Variants in RAPGEF4 observed in about 807,000 individuals in gnomAD.
RAPGEF4 encodes the protein Rap guanine nucleotide exchange factor 4, also known as RAP guanine-nucleotide-exchange factor (GEF) 4.
In RAPGEF4, 66 loss-of-function variants were observed where a neutral mutation model predicts 147.9. That is an observed-to-expected ratio of 0.45 (90% confidence interval 0.37 to 0.55). The LOEUF is 0.55. RAPGEF4 is among the 20% of genes least tolerant of loss of function. RAPGEF4 has a pLI of 0.00. For synonymous variants in RAPGEF4, 419 were observed against 442.7 expected, an observed-to-expected ratio of 0.95 and a Z score of 0.67; for missense variants, 1,071 against 1,257.3, an observed-to-expected ratio of 0.85 and a Z score of 2.24.
At position 172,735,995 on chromosome 2, in the gene RAPGEF4, G is replaced by T; in HGVS notation, c.12G>T (p.Ala4=). ...CGCCGCCGCTCAACATGGTCGCTGCGCACGCTGCCCATTCTTCCTCCTCTG... is the reference window on the plus strand; with the variant it reads ...CGCCGCCGCTCAACATGGTCGCTGCTCACGCTGCCCATTCTTCCTCCTCTG... MVA[A]HAAHSSSSAE... The change falls in exon 1 of 31, where the codon GCG becomes GCT. Residue 4 remains alanine (A), a synonymous_variant. Coordinates refer to ENST00000397081, the MANE Select transcript of RAPGEF4 (RefSeq NM_007023.4). 3 of 1,476,900 alleles carry T rather than the reference G, an allele frequency of 2.0e-6. No individual in the cohort carries two copies. Among genetic ancestry groups the T allele is most frequent in the Non-Finnish European group, 2.7e-6 (3 of 1,112,454 alleles). 91.5% of individuals were successfully genotyped at this position (1,476,900 alleles called of 1,614,324 possible). A position where few individuals can be genotyped will look rare whatever the true frequency, so the allele number is the denominator to read the frequency against.
intron 4 of RAPGEF4, among the ~76,000 whole-genome samples, chr2:172,913,861 C>G (rs1683734847): frequency 6.6e-6 from 1 of 152,138 alleles, no homozygotes; most frequent in Non-Finnish European, 1.5e-5. Flanking sequence ...CTAAGTCTCT[C>G]TCCTGCTTGA....
At chr2:172,814,610 T>C in intron 4 of RAPGEF4, 185 bp downstream of exon 4, 1 of 660,326 alleles carries the variant, frequency 1.5e-6, no homozygotes. Flanking sequence ...AAGACATCCT[T>C]TTTTTTGTTT....
chr2:173,025,568 G>A (rs1006568102), intron 23 of RAPGEF4, among the ~76,000 whole-genome samples: 6 of 152,070 alleles, frequency 3.9e-5, no homozygotes, highest in Admixed American at 2.0e-4. Context: ...TCAGCCTCCC[G>A]AGTAGCTGGC....
At chr2:172,890,253 C>T (rs1462800752) in intron 4 of RAPGEF4, among the ~76,000 whole-genome samples, 4 of 152,184 alleles carry the variant, frequency 2.6e-5, no homozygotes, top group South Asian at 2.1e-4. Flanking sequence ...TGATAAGAGC[C>T]GGGGCTTAGA....
At chr2:172,773,470 C>T (rs1180058982) in intron 1 of RAPGEF4, among the ~76,000 whole-genome samples, 1 of 152,138 alleles carries the variant, frequency 6.6e-6, no homozygotes, top group African/African-American at 2.4e-5. Flanking sequence ...CTTTCATCAT[C>T]ATCTTCACAC....
At chr2:172,839,128 T>C (rs1351340841) in intron 4 of RAPGEF4, among the ~76,000 whole-genome samples, 2 of 151,926 alleles carry the variant, frequency 1.3e-5, no homozygotes, top group Non-Finnish European at 2.9e-5. Context: ...TTAATTATGG[T>C]GAGTTAGAAG....
chr2:173,036,753 C>A, intron 29 of RAPGEF4, 61 bp downstream of exon 29: 3 of 1,229,798 alleles, frequency 2.4e-6, no homozygotes, highest in Admixed American at 2.1e-5. Flanking sequence ...TGCATTTTTT[C>A]TAATAAAGGA....
intron 17 of RAPGEF4, among the ~76,000 whole-genome samples, chr2:173,008,760 A>G (rs1405322018): frequency 6.6e-6 from 1 of 152,312 alleles, no homozygotes; most frequent in East Asian, 1.9e-4. Context: ...TTATTAGCTG[A>G]ATTAAGAATA....
intron 4 of RAPGEF4, among the ~76,000 whole-genome samples, chr2:172,856,128 C>A (rs1693389802): frequency 6.6e-6 from 1 of 152,150 alleles, no homozygotes; most frequent in South Asian, 2.1e-4. Context: ...CCATTGATCC[C>A]TAAGGCCTTC....
At chr2:172,911,758 C>CTTT (rs34659758) in intron 4 of RAPGEF4, among the ~76,000 whole-genome samples, 7 of 63,244 alleles carry the variant, frequency 1.1e-4, no homozygotes, top group African/African-American at 1.4e-4. Flanking sequence ...TGTGCTAAGC[C>CTTT]TTTTTTTTTT....
At chr2:172,960,639 T>G (rs1198350312) in intron 6 of RAPGEF4, 121 bp from the exon 7 acceptor site, 5 of 713,120 alleles carry the variant, frequency 7.0e-6, no homozygotes, top group Non-Finnish European at 1.1e-5. Flanking sequence ...TATCTCTTAT[T>G]TTTTTAAATT....
intron 4 of RAPGEF4, among the ~76,000 whole-genome samples, chr2:172,898,047 G>A (rs1698701770): frequency 6.6e-6 from 1 of 152,256 alleles, no homozygotes; most frequent in East Asian, 1.9e-4. Flanking sequence ...GCACAGCTGT[G>A]TGGGGACTCC....
intron 10 of RAPGEF4, among the ~76,000 whole-genome samples, chr2:172,979,944 G>T (rs900417298): frequency 1.3e-5 from 2 of 152,214 alleles, no homozygotes; most frequent in Non-Finnish European, 2.9e-5. Context: ...TTAAACTCGG[G>T]GGGCAGAGCT....
At position 172,792,653 on chromosome 2, in the gene RAPGEF4, C is replaced by T. The variant is rs145449227; in HGVS notation, c.66-2372C>T. Among the ~76,000 whole-genome samples, 901 of 152,278 alleles carry T rather than the reference C, an allele frequency of 5.9e-3. 3 individuals are homozygous for T. The highest frequency in any genetic ancestry group is 0.01 in the Middle Eastern group (3 of 294). On this transcript the variant is annotated intron_variant, in intron 1 of 30. Coordinates refer to ENST00000397081, the MANE Select transcript of RAPGEF4 (RefSeq NM_007023.4). Reference sequence around the variant, plus strand: ...AGATGAAGAGCTTTTAAACTAAGCTCAGGAAAGCCTGTATCTTAGGTCTTC... The same window carrying T: ...AGATGAAGAGCTTTTAAACTAAGCTTAGGAAAGCCTGTATCTTAGGTCTTC...
chr2:172,817,928 T>C (rs1432932865), intron 4 of RAPGEF4, among the ~76,000 whole-genome samples: 8 of 147,028 alleles, frequency 5.4e-5, no homozygotes, highest in Admixed American at 3.4e-4. Context: ...ATATACATAT[T>C]ACAATTATAT....
chr2:172,916,689 A>T (rs749228522), intron 4 of RAPGEF4, among the ~76,000 whole-genome samples: 4 of 152,216 alleles, frequency 2.6e-5, no homozygotes, highest in Non-Finnish European at 5.9e-5. Context: ...AAGAATTTTT[A>T]AAAAGCTAGT....
At chr2:172,844,196 GCA>G (rs1418957295) in intron 4 of RAPGEF4, among the ~76,000 whole-genome samples, 1 of 152,164 alleles carries the variant, frequency 6.6e-6, no homozygotes, top group Non-Finnish European at 1.5e-5. Flanking sequence ...CTTGGAACAA[GCA>G]CAATCTCCCA....
At chr2:172,802,054 T>C (rs993890063) in intron 3 of RAPGEF4, among the ~76,000 whole-genome samples, 3 of 152,010 alleles carry the variant, frequency 2.0e-5, no homozygotes, top group Non-Finnish European at 2.9e-5. Context: ...GTGTACAAGA[T>C]GGAGACAAAA....
In RAPGEF4 at chr2:173,020,619, A is replaced by C. The variant is rs1695992849; in HGVS notation, c.2157A>C (p.Glu719Asp). 2 of 1,612,266 alleles carry C rather than the reference A, an allele frequency of 1.2e-6. No homozygotes were observed. Among genetic ancestry groups the C allele is most frequent in the African/African-American group, 2.7e-5 (2 of 74,874 alleles). The change falls in exon 23 of 31, where the codon GAA becomes GAC. Residue 719 changes from glutamate to aspartate, a missense_variant and splice_region_variant. Physicochemically the swap from Glu to Asp is conservative, Grantham distance 45 (BLOSUM62 2). Coordinates refer to ENST00000397081, the MANE Select transcript of RAPGEF4 (RefSeq NM_007023.4). ...LIIVKMSSGG[E>D]KVVLKPNDVS... ...ATCTCATGCTTTTTATGTTCACAGA[A>C]AAGGTGGTGCTCAAACCTAATGATG...
Sources: allele counts gnomAD v4.1 joint callset (sites outside exome capture counted in the v4.1 genomes callset), GRCh38; gene constraint gnomAD v4.1.1; transcripts MANE v1.5; gene names NCBI Gene and HGNC (gene_info 2026-07-23, HGNC 2026-07-21).